The following D2HGDH variants were observed in gnomAD, a reference collection of about 807,000 sequenced individuals.
The protein encoded by D2HGDH is D-2-hydroxyglutarate dehydrogenase, also known as D-2-hydroxyglutarate dehydrogenase, mitochondrial.
A neutral mutation model predicts 46.9 loss-of-function variants in D2HGDH; 31 were observed. The ratio of observed to expected loss-of-function variants is 0.66; its 90% CI spans 0.50 to 0.89. The LOEUF (loss-of-function observed/expected upper bound fraction) is 0.89, where lower values mean the gene tolerates loss of function less well. Among genes scored for constraint, D2HGDH ranks in the 40% least tolerant of loss-of-function variants. D2HGDH has a pLI of 0.00. For missense variants in D2HGDH, 698 were observed against 720.8 expected (o/e 0.97, Z 0.36); for synonymous variants, 364 against 332.6 (o/e 1.09, Z -1.03).
rs1381703486 is a variant in D2HGDH, at chr2:241,742,138, G to A, written c.351-297G>A. On this transcript the variant is annotated intron_variant, in intron 3 of 9. Coordinates refer to ENST00000321264, the MANE Select transcript of D2HGDH (RefSeq NM_152783.5). The surrounding 1 kb of genome is among the most constrained non-coding windows in gnomAD (Gnocchi z 4.8). The stretch of plus-strand genomic sequence containing the variant: ...GAGCTGGACCCTCTGTGAGCATGGT[G>A]TGAACGGGAAGGATGGGAGCCGGGC... 1.3e-5 allele frequency among the ~76,000 whole-genome samples: 2 copies of A among 152,146 alleles called. No individual in the cohort carries two copies. The highest frequency in any genetic ancestry group is 2.9e-5 in the Non-Finnish European group (2 of 68,024).
chr2:241,767,834 A>G lies in D2HGDH; in HGVS notation c.1431A>G (p.Gly477=). The change falls in exon 10 of 10, where the codon GGA becomes GGG. Residue 477 remains glycine, a synonymous_variant. Coordinates refer to ENST00000321264, the MANE Select transcript of D2HGDH (RefSeq NM_152783.5). ...GQQGSVSAEH[G]VGFRKRDVLG... Reference sequence around the variant, plus strand: ...AGGGCAGCGTCAGCGCGGAGCACGGAGTGGGCTTCAGGAAGAGGGACGTCC... The same window carrying G: ...AGGGCAGCGTCAGCGCGGAGCACGGGGTGGGCTTCAGGAAGAGGGACGTCC... The G allele has an allele frequency of 6.2e-7, 1 of 1,612,260 alleles. No individual in the cohort carries two copies. The highest frequency in any genetic ancestry group is 8.5e-7 in the Non-Finnish European group (1 of 1,179,488).
At position 241,742,416 on chromosome 2, in the gene D2HGDH, C is replaced by T; in HGVS notation, c.351-19C>T. 1 of 1,599,722 alleles carries T rather than the reference C, an allele frequency of 6.3e-7. No homozygotes were observed. Among genetic ancestry groups the T allele is most frequent in the Non-Finnish European group, 8.5e-7 (1 of 1,172,612 alleles). On this transcript the variant is annotated intron_variant, in intron 3 of 9. Coordinates refer to ENST00000321264, the MANE Select transcript of D2HGDH (RefSeq NM_152783.5). The surrounding 1 kb of genome is among the most constrained non-coding windows in gnomAD (Gnocchi z 4.8). ...GGGGTGGGGACAGAGCCCCAACGTCCCTCCTGTCCTCATCCCAGGCACTGC... is the reference window on the plus strand; with the variant it reads ...GGGGTGGGGACAGAGCCCCAACGTCTCTCCTGTCCTCATCCCAGGCACTGC...
chr2:241,748,949 G>A (rs777233548), intron 6 of D2HGDH: 58 of 1,289,898 alleles, frequency 4.5e-5, no homozygotes, highest in Non-Finnish European at 5.6e-5. Context: ...CCAGGTCTCA[G>A]ACAGGAGTCA....
intron 1 of D2HGDH, among the ~76,000 whole-genome samples, 169 bp from the exon 2 acceptor site, chr2:241,734,964 C>G (rs1014578199): frequency 2.0e-5 from 3 of 152,184 alleles, no homozygotes; most frequent in African/African-American, 7.2e-5. Context: ...AAGTCCAGGC[C>G]TGCTGCGTGG....
At position 241,735,425 on chromosome 2, in the gene D2HGDH, G is replaced by A; in HGVS notation, c.201G>A (p.Leu67=). The change falls in exon 2 of 10, where the codon CTG becomes CTA. Residue 67 remains leucine, a synonymous_variant. Coordinates refer to ENST00000321264, the MANE Select transcript of D2HGDH (RefSeq NM_152783.5). ...TCTCCACGGTGTCTAAGCAGGACCT[G>A]GCCGCCTTTGAGCGCATCGTGCCCG... is the stretch of plus-strand genomic sequence containing the variant. ...LPFSTVSKQD[L]AAFERIVPGG... The A allele has an allele frequency of 6.2e-7, 1 of 1,607,886 alleles. No individual in the cohort carries two copies. Among genetic ancestry groups the A allele is most frequent in the Non-Finnish European group, 8.5e-7 (1 of 1,178,978 alleles).
At chr2:241,748,685 C>A in intron 6 of D2HGDH, 1 of 442,532 alleles carries the variant, frequency 2.3e-6, no homozygotes, top group Non-Finnish European at 3.3e-6. Context: ...CCCACACCGC[C>A]TCCTCCCCGC....
chr2:241,755,487 T>C, intron 8 of D2HGDH: 1 of 1,332,056 alleles, frequency 7.5e-7, no homozygotes, highest in Non-Finnish European at 9.9e-7. Context: ...GGTGGGCGCC[T>C]CCCCCTTCCG....
chr2:241,747,054 C>T (rs1696046084), intron 6 of D2HGDH, among the ~76,000 whole-genome samples: 1 of 151,918 alleles, frequency 6.6e-6, no homozygotes, highest in East Asian at 1.9e-4. Context: ...GGGTTCAAGC[C>T]ATCCTCTTGA....
chr2:241,736,443 C>T (rs1692850072), intron 2 of D2HGDH, among the ~76,000 whole-genome samples: 1 of 152,298 alleles, frequency 6.6e-6, no homozygotes, highest in Non-Finnish European at 1.5e-5. Flanking sequence ...CCTCCAAAGC[C>T]TCCAGAGGAG....
At chr2:241,754,716 G>A (rs929420747) in intron 8 of D2HGDH, 3 of 205,280 alleles carry the variant, frequency 1.5e-5, no homozygotes, top group Non-Finnish European at 3.0e-5. Context: ...CAATCCTCCC[G>A]CCTCAGCCTC....
intron 5 of D2HGDH, among the ~76,000 whole-genome samples, chr2:241,744,448 G>C (rs1051267483): frequency 5.9e-5 from 9 of 152,246 alleles, no homozygotes; most frequent in African/African-American, 2.2e-4. Context: ...CTTATGGCTG[G>C]TGGGTCCAGA....
intron 2 of D2HGDH, chr2:241,735,964 T>C (rs1316693077): frequency 3.7e-5 from 8 of 213,972 alleles, no homozygotes; most frequent in Non-Finnish European, 5.8e-5. Context: ...GGTTTCACCA[T>C]GTTGGCCAGG....
rs1575161824 is a variant in D2HGDH, at chr2:241,735,311, C to T, written c.87C>T (p.Gly29=). Residue 29 remains glycine (G), a synonymous_variant, in exon 2 of 10, where the codon GGC becomes GGT. Coordinates refer to ENST00000321264, the MANE Select transcript of D2HGDH (RefSeq NM_152783.5). ...GAAGSWGRPV[G]PLARRGCCSA... Reference sequence around the variant, plus strand: ...CGGGTTCTTGGGGTCGGCCGGTTGGCCCCCTGGCCCGCAGAGGCTGCTGCT... The same window carrying T: ...CGGGTTCTTGGGGTCGGCCGGTTGGTCCCCTGGCCCGCAGAGGCTGCTGCT... The T allele has an allele frequency of 1.3e-6, 2 of 1,533,038 alleles. No homozygotes were observed. Among genetic ancestry groups the T allele is most frequent in the African/African-American group, 1.4e-5 (1 of 72,222 alleles). 95.0% of individuals were successfully genotyped at this position (1,533,038 alleles called of 1,614,324 possible).
chr2:241,750,593 C>CTTTCTTTCCATTTCTTCT (rs1697008375), intron 7 of D2HGDH, among the ~76,000 whole-genome samples: 3 of 152,200 alleles, frequency 2.0e-5, no homozygotes. Flanking sequence ...AGCTGGGAGA[C>CTTTCTTTCCATTTCTTCT]TTTCTTTCCA....
intron 8 of D2HGDH, chr2:241,754,719 T>G (rs1380488870): frequency 9.6e-6 from 2 of 208,488 alleles, no homozygotes. Context: ...TCCTCCCGCC[T>G]CAGCCTCCCG....
intron 6 of D2HGDH, among the ~76,000 whole-genome samples, chr2:241,745,475 C>T (rs574716895): frequency 1.3e-5 from 2 of 152,186 alleles, no homozygotes; most frequent in South Asian, 2.1e-4. Flanking sequence ...GCAGTCTTCG[C>T]GCGGGAGGTG....
intron 6 of D2HGDH, among the ~76,000 whole-genome samples, chr2:241,746,505 G>T (rs979902109): frequency 2.0e-5 from 3 of 152,176 alleles, no homozygotes; most frequent in Non-Finnish European, 2.9e-5. Context: ...TATAATCCCA[G>T]CACTTTGGGA....
intron 9 of D2HGDH, among the ~76,000 whole-genome samples, chr2:241,762,018 G>A (rs1174871634): frequency 2.0e-5 from 3 of 151,856 alleles, no homozygotes; most frequent in Non-Finnish European, 4.4e-5. Flanking sequence ...GTTCCCTTCG[G>A]GGGAATGGAG....
intron 9 of D2HGDH, 29 bp from the exon 10 acceptor site, chr2:241,767,681 G>T (rs372363716): frequency 6.2e-7 from 1 of 1,612,134 alleles, no homozygotes; most frequent in African/African-American, 1.3e-5. Context: ...GCCCTGCCCA[G>T]CCTGACCCAT....
Sources: gnomAD v4.1 joint callset for allele counts (sites outside exome capture counted in the v4.1 genomes callset) on GRCh38, gnomAD v4.1.1 for gene constraint, Gnocchi (gnomAD v3.1) non-coding constraint, MANE v1.5 for transcripts, NCBI Gene and HGNC (gene_info 2026-07-23, HGNC 2026-07-21) for gene names.